The following FHIT variants were observed in gnomAD, a reference collection of about 807,000 sequenced individuals.
The protein encoded by FHIT is bis(5'-adenosyl)-triphosphatase.
In FHIT, 19 loss-of-function variants were observed where a neutral mutation model predicts 17.9. The observed-to-expected ratio is 1.06, with a 90% CI of 0.74 to 1.56. The LOEUF (loss-of-function observed/expected upper bound fraction) is 1.56. FHIT is among the 40% of genes most tolerant of loss of function. FHIT has a pLI of 0.00. For missense variants in FHIT, 248 were observed against 189.2 expected (o/e 1.31, Z -1.82); for synonymous variants, 81 against 69.7 (o/e 1.16, Z -0.81).
chr3:60,516,870 A>G (rs2035179941), intron 5 of FHIT, among the ~76,000 whole-genome samples: 1 of 152,194 alleles, frequency 6.6e-6, no homozygotes. Flanking sequence ...TATAATAGGG[A>G]TAATTATAAT....
intron 5 of FHIT, among the ~76,000 whole-genome samples, chr3:60,453,855 G>C (rs1055928636): frequency 1.2e-4 from 19 of 152,068 alleles, no homozygotes; most frequent in African/African-American, 3.6e-4. Context: ...ATGCTAATAA[G>C]AACACTGAGG....
intron 3 of FHIT, among the ~76,000 whole-genome samples, chr3:60,850,516 T>C (rs556053545): frequency 3.9e-5 from 6 of 152,250 alleles, no homozygotes; most frequent in Admixed American, 1.3e-4. Context: ...TAGCTCTCAT[T>C]GCATCCCATT....
chr3:60,995,319 C>A (rs959627750), intron 3 of FHIT, among the ~76,000 whole-genome samples: 1 of 149,774 alleles, frequency 6.7e-6, no homozygotes, highest in Non-Finnish European at 1.5e-5. Flanking sequence ...GACTCTGTCT[C>A]AAAATAATAA....
At chr3:60,458,878 G>A (rs1016165438) in intron 5 of FHIT, among the ~76,000 whole-genome samples, 2 of 151,980 alleles carry the variant, frequency 1.3e-5, no homozygotes, top group Non-Finnish European at 2.9e-5. Context: ...AGGCTCAAGG[G>A]ATCCTCCCAC....
intron 4 of FHIT, among the ~76,000 whole-genome samples, chr3:60,646,687 G>GA (rs1176343392): frequency 6.6e-6 from 1 of 152,010 alleles, no homozygotes; most frequent in Non-Finnish European, 1.5e-5. Context: ...TTTTTTGAAA[G>GA]AAAAAGAACC....
At chr3:60,179,577 G>C (rs1446737856) in intron 5 of FHIT, among the ~76,000 whole-genome samples, 1 of 151,806 alleles carries the variant, frequency 6.6e-6, no homozygotes, top group South Asian at 2.1e-4. Flanking sequence ...TTTTTTTTAA[G>C]AACAGGGTCT....
intron 5 of FHIT, among the ~76,000 whole-genome samples, chr3:60,253,562 G>A (rs976002597): frequency 7.2e-5 from 11 of 152,308 alleles, no homozygotes; most frequent in African/African-American, 2.6e-4. Flanking sequence ...CTGTTTTGCA[G>A]TCAATGATTT....
rs529300787 is a variant in FHIT, at chr3:59,951,711, C to A, written c.280-29297G>T. ...TAGGGCATCTGAGATCCCACACAGG[C>A]CTCCCCACTGCTGGGATCAATGATA... On this transcript the variant is annotated intron_variant, in intron 7 of 9. Transcript: ENST00000492590. 3.2e-3 allele frequency among the ~76,000 whole-genome samples: 469 copies of A among 146,212 alleles called. 2 individuals are homozygous for A. The highest frequency in any genetic ancestry group is 0.011 in the African/African-American group (443 of 41,010).
intron 1 of FHIT, among the ~76,000 whole-genome samples, chr3:61,249,660 T>TGGTTCTCACTCTCATATAGCTTTTAAGAG (rs1255672114): frequency 6.6e-5 from 10 of 152,176 alleles, no homozygotes; most frequent in Non-Finnish European, 1.5e-4. Context: ...GATATAAAAA[T>TGGTTCTCACTCTCATATAGCTTTTAAGAG]GGTTCTCACT....
intron 7 of FHIT, among the ~76,000 whole-genome samples, chr3:59,940,381 T>C (rs1217457808): frequency 1.3e-5 from 2 of 152,168 alleles, no homozygotes; most frequent in Admixed American, 6.5e-5. Flanking sequence ...TACCATTGTT[T>C]TAAAAATTAC....
At chr3:60,105,226 T>A (rs1704357930) in intron 5 of FHIT, among the ~76,000 whole-genome samples, 1 of 152,222 alleles carries the variant, frequency 6.6e-6, no homozygotes, top group Admixed American at 6.5e-5. Context: ...TCACTGGTTC[T>A]GAGTATAGGC....
chr3:60,753,436 C>T (rs2042509248), intron 4 of FHIT, among the ~76,000 whole-genome samples: 1 of 152,168 alleles, frequency 6.6e-6, no homozygotes, highest in African/African-American at 2.4e-5. Flanking sequence ...GGCGGATCCA[C>T]TCATTTGGAT....
Position 59,846,097 on chromosome 3 carries a change from G to A in FHIT, c.348+76249C>T, listed in dbSNP as rs143960349. On this transcript the variant is annotated intron_variant, in intron 8 of 9. Transcript: ENST00000492590. ...TCCATTTACATTTAAAGTAATTACT[G>A]TTAAGGAGAGGTTTGATTCTGTCAT... Among the ~76,000 whole-genome samples the A allele has an allele frequency of 8.5e-5, 13 of 152,132 alleles. No individual in the cohort carries two copies. In the East Asian group the frequency reaches 2.3e-3, roughly 27 times the overall value.
chr3:60,160,156 GTGTC>G (rs1559686766), intron 5 of FHIT, among the ~76,000 whole-genome samples: 1 of 152,100 alleles, frequency 6.6e-6, no homozygotes, highest in Non-Finnish European at 1.5e-5. Flanking sequence ...GTGTGTCTGT[GTGTC>G]TGTGTGTGTA....
At chr3:60,956,615 C>G (rs1359397717) in intron 3 of FHIT, among the ~76,000 whole-genome samples, 2 of 152,252 alleles carry the variant, frequency 1.3e-5, no homozygotes, top group Admixed American at 1.3e-4. Context: ...AGGTCAAAAT[C>G]TGTCTACACC....
chr3:59,779,145 A>T (rs1271212958), intron 8 of FHIT, among the ~76,000 whole-genome samples: 5 of 152,240 alleles, frequency 3.3e-5, no homozygotes, highest in Admixed American at 3.3e-4. Flanking sequence ...TGCAGACTCC[A>T]TGAAACATTG....
intron 5 of FHIT, among the ~76,000 whole-genome samples, chr3:60,305,476 G>C (rs183383983): frequency 9.9e-4 from 151 of 152,176 alleles, no homozygotes; most frequent in Admixed American, 3.9e-3. Flanking sequence ...AGGGCCATGA[G>C]TTACTGCCAA....
chr3:59,833,215 C>T (rs764391761), intron 8 of FHIT, among the ~76,000 whole-genome samples: 4 of 152,112 alleles, frequency 2.6e-5, no homozygotes, highest in Non-Finnish European at 5.9e-5. Flanking sequence ...ATGTTGAAGT[C>T]CTAATCACTA....
intron 8 of FHIT, among the ~76,000 whole-genome samples, chr3:59,784,181 C>T (rs1340862756): frequency 1.3e-5 from 2 of 152,150 alleles, no homozygotes; most frequent in African/African-American, 2.4e-5. Context: ...ATCCCTCATC[C>T]AGTCAATCAA....
Sources: gnomAD v4.1 joint callset for allele counts (sites outside exome capture counted in the v4.1 genomes callset) on GRCh38, gnomAD v4.1.1 for gene constraint, MANE v1.5 for transcripts, NCBI Gene and HGNC (gene_info 2026-07-23, HGNC 2026-07-21) for gene names.